Variants in CCDC142 observed in about 807,000 individuals in gnomAD.
The protein encoded by CCDC142 is coiled-coil domain containing 142.
CCDC142 carries 67 observed loss-of-function variants against 83.8 expected under a neutral mutation model. The ratio of observed to expected loss-of-function variants is 0.80; its 90% confidence interval spans 0.66 to 0.98. CCDC142 has a LOEUF of 0.98. Among genes scored for constraint, CCDC142 ranks in the 50% least tolerant of loss-of-function variants. The probability of loss-of-function intolerance (pLI) is 0.00; values close to 1 mark genes in which losing one functional copy is unlikely to be tolerated. For missense variants in CCDC142, 905 were observed against 946.8 expected, an observed-to-expected ratio of 0.96 and a Z score of 0.58; for synonymous variants, 421 against 421.2, an observed-to-expected ratio of 1.00 and a Z score of 0.01.
chr2:74,480,679 A>T (rs901332013), intron 5 of CCDC142, 90 bp downstream of exon 5: 8 of 827,738 alleles, frequency 9.7e-6, no homozygotes, highest in Non-Finnish European at 1.6e-5. Context: ...GGAGATTCCA[A>T]GTTACTGAGA....
rs1312711485 is a variant in CCDC142 at position 74,473,595 on chromosome 2, G to A, written c.*951C>T. 6.6e-6 allele frequency among the ~76,000 whole-genome samples: 1 copy of A among 152,020 alleles called. No homozygotes were observed. Among genetic ancestry groups the A allele is most frequent in the Non-Finnish European group, 1.5e-5 (1 of 67,984 alleles). On this transcript the variant is annotated 3_prime_UTR_variant, in exon 9 of 9. Transcript: ENST00000393965. The stretch of plus-strand genomic sequence containing the variant: ...GCCTCCCAAAGTGCTGGGATTACAG[G>A]CGTGAGCAGGCGTGAGCCCCCTCAC...
Position 74,480,944 on chromosome 2 carries a change from C to T in CCDC142, c.1389+12G>A, listed in dbSNP as rs930579320. The T allele has an allele frequency of 1.1e-5, 17 of 1,613,346 alleles. No individual in the cohort carries two copies. Among genetic ancestry groups the T allele is most frequent in the African/African-American group, 5.3e-5 (4 of 74,910 alleles). ...CTCAGGCTGCTCCCCTCCCTACTCC[C>T]CAGCCACTCACAGGTAAGTCCTTTT... On this transcript the variant is annotated intron_variant, in intron 4 of 8. Transcript: ENST00000393965.
chr2:74,480,183 A>T (rs757552943), intron 5 of CCDC142, among the ~76,000 whole-genome samples: 16 of 152,232 alleles, frequency 1.1e-4, no homozygotes, highest in Non-Finnish European at 1.6e-4. Flanking sequence ...TAGGGGATAC[A>T]CAGATGAAAT....
Position 74,482,068 on chromosome 2 carries a change from C to T in CCDC142, c.770G>A (p.Gly257Glu), listed in dbSNP as rs201635411. ...GCGGAGCTGGTCCCTCAACGCCGAT[C>T]CTTGGAGCGCCTCGTCCAGCCGACT... ...VASRLDEALQ[G>E]SALRDQLRRR... The change falls in exon 1 of 9, where the codon GGA (glycine) becomes GAA (glutamate). Residue 257 changes from glycine to glutamate, a missense_variant. Coordinates refer to ENST00000393965, the MANE Select transcript of CCDC142 (RefSeq NM_001365575.2). The surrounding 1 kb of genome is among the most constrained non-coding windows in gnomAD (Gnocchi z 5.0). 2 of 1,613,590 alleles carry T rather than the reference C, an allele frequency of 1.2e-6. No individual in the cohort carries two copies. Among genetic ancestry groups the T allele is most frequent in the East Asian group, 2.2e-5 (1 of 44,882 alleles).
chr2:74,481,754 G>A, intron 1 of CCDC142, 63 bp downstream of exon 1: 2 of 1,548,444 alleles, frequency 1.3e-6, no homozygotes, highest in South Asian at 1.2e-5. Flanking sequence ...AGGTCAGTGA[G>A]TTGGCCAAGG....
Position 74,481,280 on chromosome 2 carries a change from G to C in CCDC142, c.1201C>G (p.Pro401Ala). Residue 401 changes from proline to alanine, a missense_variant, in exon 3 of 9, where the codon CCT (proline) becomes GCT (alanine). Pro to Ala is a conservative substitution (Grantham distance 27, BLOSUM62 -1). Coordinates refer to ENST00000393965, the MANE Select transcript of CCDC142 (RefSeq NM_001365575.2). ...TAELLQQLFP[P>A]LLDALREPRL... ...GGCTCTCGAAGGGCATCCAAGAGAG[G>C]AGGAAAGAGCTGCTGCAAAAGTTCA... is the stretch of plus-strand genomic sequence containing the variant. 6.2e-7 allele frequency: 1 copy of C among 1,614,142 alleles called. No individual in the cohort carries two copies. Among genetic ancestry groups the C allele is most frequent in the South Asian group, 1.1e-5 (1 of 91,082 alleles).
In CCDC142 at chr2:74,482,165, C is replaced by T; in HGVS notation, c.673G>A (p.Gly225Arg). 6.2e-7 allele frequency: 1 copy of T among 1,613,734 alleles called. No homozygotes were observed. Among genetic ancestry groups the T allele is most frequent in the South Asian group, 1.1e-5 (1 of 90,998 alleles). Reference sequence around the variant, plus strand: ...GACGTGGGGAAAGGACGTGCGGCCCCTGGGACGTGGCTCAAGGCTTTTCTC... The same window carrying T: ...GACGTGGGGAAAGGACGTGCGGCCCTTGGGACGTGGCTCAAGGCTTTTCTC... ...LQRKALSHVP[G>R]AARPFPTSRV... Residue 225 changes from glycine (G) to arginine (R), a missense_variant, in exon 1 of 9, where the codon GGG (glycine) becomes AGG (arginine). Coordinates refer to ENST00000393965, the MANE Select transcript of CCDC142 (RefSeq NM_001365575.2). The surrounding 1 kb of genome is among the most constrained non-coding windows in gnomAD (Gnocchi z 5.0).
rs767317592 is a variant in CCDC142, at chr2:74,480,772, G to C, written c.1500C>G (p.Ile500Met). 3 of 1,610,340 alleles carry C rather than the reference G, an allele frequency of 1.9e-6. No individual in the cohort carries two copies. In the Admixed American group the frequency reaches 5.0e-5, roughly 27 times the overall value. The change falls in exon 5 of 9, where the codon ATC (isoleucine) becomes ATG (methionine). Residue 500 changes from isoleucine (I) to methionine (M), a missense_variant. Transcript: ENST00000393965. ...CTGTTGAGGCCCCTGTTCTCACCTG[G>C]ATCTGTGCAGTCAGCTTCTGGATCT... ...GLEIQKLTAQ[I>M]QLLPEESLSV... is the part of the protein sequence containing the mutation.
Position 74,482,341 on chromosome 2 carries a change from A to C in CCDC142, c.497T>G (p.Leu166Arg), listed in dbSNP as rs1404927603. Reference protein sequence around the residue: ...IGPGETLEPLLLARPIGLAAQ... With the variant: ...IGPGETLEPLRLARPIGLAAQ... Reference sequence around the variant, plus strand: ...GGCTAGTCCGATGGGGCGCGCTAGCAGCAGCGGCTCGAGAGTCTCCCCAGG... The same window carrying C: ...GGCTAGTCCGATGGGGCGCGCTAGCCGCAGCGGCTCGAGAGTCTCCCCAGG... The change falls in exon 1 of 9, where the codon CTG becomes CGG. Residue 166 changes from leucine (L) to arginine (R), a missense_variant. Leu to Arg is a moderately radical substitution (Grantham distance 102). This residue lies in a region of CCDC142 where 591 missense variants were observed against 571.4 expected (regional missense o/e 1.03). Coordinates refer to ENST00000393965, the MANE Select transcript of CCDC142 (RefSeq NM_001365575.2). This position sits in a 1 kb window ranked among gnomAD's most constrained non-coding sequence, Gnocchi z 5.0. 9 of 1,602,360 alleles carry C rather than the reference A, an allele frequency of 5.6e-6. No individual in the cohort carries two copies. The highest frequency in any genetic ancestry group is 2.2e-5 in the South Asian group (2 of 89,842).
At chr2:74,476,047 ACACACAC>A (rs1672317681) in intron 5 of CCDC142, among the ~76,000 whole-genome samples, 4 of 5,560 alleles carry the variant, frequency 7.2e-4, no homozygotes, top group South Asian at 0.017. Flanking sequence ...CCCCCGCAAC[ACACACAC>A]ACACACACAC....
At chr2:74,479,444 T>C (rs1330835719) in intron 5 of CCDC142, among the ~76,000 whole-genome samples, 4 of 152,196 alleles carry the variant, frequency 2.6e-5, no homozygotes, top group Non-Finnish European at 5.9e-5. Context: ...CATAAACATA[T>C]AAGAAAATGT....
In CCDC142 at chr2:74,475,338, C is replaced by T. The variant is rs1391495913; in HGVS notation, c.1683G>A (p.Leu561=). The T allele has an allele frequency of 1.9e-6, 3 of 1,613,094 alleles. No homozygotes were observed. The highest frequency in any genetic ancestry group is 1.7e-5 in the Admixed American group (1 of 59,958). ...GAGGTGGCAACCCTTGCAATCCTTG[C>T]AACACAGGCTCCAGTACGGTGCGGA... is the stretch of plus-strand genomic sequence containing the variant. The part of the protein sequence containing the change: ...LVVRTVLEPV[L]QGLQGLPPQA... The change falls in exon 7 of 9, where the codon TTG becomes TTA. Residue 561 remains leucine (L), a synonymous_variant. Coordinates refer to ENST00000393965, the MANE Select transcript of CCDC142 (RefSeq NM_001365575.2).
intron 4 of CCDC142, 37 bp from the exon 5 acceptor site, chr2:74,480,919 C>A: frequency 1.2e-6 from 2 of 1,610,238 alleles, no homozygotes; most frequent in Non-Finnish European, 1.7e-6. Context: ...CTCAGCCTAG[C>A]TCAGGCTGCT....
chr2:74,482,421 C>G lies in CCDC142; in HGVS notation c.417G>C (p.Gln139His). The change falls in exon 1 of 9, where the codon CAG becomes CAC. Residue 139 changes from glutamine (Q) to histidine (H), a missense_variant. Physicochemically the swap from Gln to His is conservative, Grantham distance 24. Transcript: ENST00000393965. This position sits in a 1 kb window ranked among gnomAD's most constrained non-coding sequence, Gnocchi z 5.0. ...GGTGCAGCTGCAGGTCGCGGCACCACTGGGGCAAGGGGCTAGGGCCGCCGG... is the reference window on the plus strand; with the variant it reads ...GGTGCAGCTGCAGGTCGCGGCACCAGTGGGGCAAGGGGCTAGGGCCGCCGG... ...SPSGGPSPLP[Q>H]WCRDLQLHPS... 1 of 1,559,810 alleles carries G rather than the reference C, an allele frequency of 6.4e-7. No individual in the cohort carries two copies. The highest frequency in any genetic ancestry group is 8.7e-7 in the Non-Finnish European group (1 of 1,152,008).
intron 5 of CCDC142, among the ~76,000 whole-genome samples, chr2:74,477,960 G>C (rs972513018): frequency 6.7e-6 from 1 of 149,358 alleles, no homozygotes; most frequent in African/African-American, 2.5e-5. Flanking sequence ...GATCTCCTGA[G>C]GGCTATGTCA....
At chr2:74,474,838 G>A (rs1672283119) in intron 8 of CCDC142, 36 bp from the exon 9 acceptor site, 1 of 1,589,698 alleles carries the variant, frequency 6.3e-7, no homozygotes, top group African/African-American at 1.3e-5. Flanking sequence ...GTGGCTGCTG[G>A]GGATATACTG....
chr2:74,480,419 T>C (rs555332281), intron 5 of CCDC142, among the ~76,000 whole-genome samples: 2 of 151,958 alleles, frequency 1.3e-5, no homozygotes, highest in East Asian at 3.9e-4. Context: ...TGAAACCCTG[T>C]CTCTACTAAA....
At chr2:74,480,913 G>A in intron 4 of CCDC142, 31 bp from the exon 5 acceptor site, 1 of 1,612,188 alleles carries the variant, frequency 6.2e-7, no homozygotes, top group Non-Finnish European at 8.5e-7. Flanking sequence ...TGAGGGCTCA[G>A]CCTAGCTCAG....
chr2:74,474,661 C>T lies in CCDC142; in HGVS notation c.2138G>A (p.Ser713Asn). ...ATTTCCCACCAGGTAGCCCTCCGGG[C>T]TAGGTCCCCTTCCTCCTAGTGTGCT... ...LQSTLGGRGP[S>N]PEGYLVGNQQ... Residue 713 changes from serine to asparagine, a missense_variant, in exon 9 of 9, where the codon AGC becomes AAC. Physicochemically the swap from Ser to Asn is conservative, Grantham distance 46. Around this residue, in one of 3 missense-constraint regions of CCDC142, gnomAD observed 265 missense variants for 288.9 expected, o/e 0.92. Coordinates refer to ENST00000393965, the MANE Select transcript of CCDC142 (RefSeq NM_001365575.2). 6.2e-7 allele frequency: 1 copy of T among 1,614,236 alleles called. No individual in the cohort carries two copies. Among genetic ancestry groups the T allele is most frequent in the Non-Finnish European group, 8.5e-7 (1 of 1,180,036 alleles).
Sources: allele counts gnomAD v4.1 joint callset (sites outside exome capture counted in the v4.1 genomes callset), GRCh38; gene constraint gnomAD v4.1.1; regional missense constraint gnomAD v4.1.1; non-coding constraint Gnocchi (gnomAD v3.1); transcripts MANE v1.5; gene names NCBI Gene and HGNC (gene_info 2026-07-23, HGNC 2026-07-21).